Variants in LMLN observed in about 807,000 individuals in gnomAD.
LMLN encodes the protein leishmanolysin-like peptidase.
In LMLN, 70 loss-of-function variants were observed where a neutral mutation model predicts 92.3. The ratio of observed to expected loss-of-function variants is 0.76; its 90% CI spans 0.63 to 0.92. The LOEUF is 0.92. Ranked by LOEUF, LMLN falls within the 40% of genes least tolerant of loss-of-function variation. The probability of loss-of-function intolerance (pLI) is 0.00; values close to 1 mark genes in which losing one functional copy is unlikely to be tolerated. For missense variants in LMLN, 691 were observed against 814.6 expected (o/e 0.85, Z 1.85); for synonymous variants, 308 against 296.2 (o/e 1.04, Z -0.41).
intron 10 of LMLN, among the ~76,000 whole-genome samples, chr3:197,998,911 A>G (rs1722098545): frequency 6.6e-6 from 1 of 152,160 alleles, no homozygotes; most frequent in African/African-American, 2.4e-5. Flanking sequence ...CTGACCCCAA[A>G]TTATCTGTGC....
chr3:198,020,993 T>C (rs1722766056), intron 12 of LMLN, among the ~76,000 whole-genome samples: 1 of 151,922 alleles, frequency 6.6e-6, no homozygotes, highest in Admixed American at 6.6e-5. Flanking sequence ...ATTCAAAGTA[T>C]ATTATATATA....
chr3:197,974,260 C>A, intron 1 of LMLN, 117 bp from the exon 2 acceptor site: 1 of 630,816 alleles, frequency 1.6e-6, no homozygotes, highest in South Asian at 1.9e-5. Context: ...GAATATGGGT[C>A]ACAGAACTTT....
At chr3:198,026,556 C>T (rs767221511) in intron 14 of LMLN, among the ~76,000 whole-genome samples, 2 of 152,190 alleles carry the variant, frequency 1.3e-5, no homozygotes, top group Non-Finnish European at 2.9e-5. Flanking sequence ...CCTCCTGCCT[C>T]AGCCTCCCAA....
chr3:197,989,826 A>G (rs916584474), intron 8 of LMLN, among the ~76,000 whole-genome samples: 28 of 152,242 alleles, frequency 1.8e-4, no homozygotes, highest in African/African-American at 6.5e-4. Flanking sequence ...ATTCGAGGCC[A>G]GTTTTGGCAA....
chr3:197,963,213 T>TG lies in LMLN; in HGVS notation c.219+2774dup, dbSNP rs756206602. ...TTCTTTTCTCTCTCTTTTTTTTTTT[T>TG]GTTTTGTTTTGAGACAGTCTTGCTC... is the stretch of plus-strand genomic sequence containing the variant. On this transcript the variant is annotated intron_variant, in intron 1 of 15. Coordinates refer to ENST00000330198, the Ensembl canonical transcript of LMLN. Among the ~76,000 whole-genome samples the TG allele has an allele frequency of 3.1e-4, 47 of 151,538 alleles. 1 individual carries two copies. In the South Asian group the frequency reaches 9.6e-3, roughly 31 times the overall value.
intron 4 of LMLN, chr3:197,976,356 A>C: frequency 2.1e-6 from 1 of 475,484 alleles, no homozygotes; most frequent in South Asian, 4.1e-5. Context: ...TGTTCTCCAG[A>C]TCACCTTTTT....
At chr3:197,982,586 T>G (rs372508552) in intron 6 of LMLN, among the ~76,000 whole-genome samples, 1 of 152,192 alleles carries the variant, frequency 6.6e-6, no homozygotes, top group African/African-American at 2.4e-5. Context: ...TTGCATTAAT[T>G]CATTTCATGA....
chr3:197,989,730 C>T (rs115050315), intron 8 of LMLN, among the ~76,000 whole-genome samples: 1,983 of 151,254 alleles, frequency 0.013, 44 homozygotes, highest in African/African-American at 0.045. Flanking sequence ...AAATTTAAAA[C>T]ACTTATCAGG....
chr3:197,980,685 T>G, intron 6 of LMLN, 181 bp downstream of exon 6: 2 of 489,018 alleles, frequency 4.1e-6, no homozygotes, highest in Non-Finnish European at 7.1e-6. Context: ...CTGTTATTAA[T>G]GTGATAACCC....
exon 13 of LMLN, chr3:198,021,471 C>G (rs756941965): frequency 7.4e-6 from 12 of 1,613,964 alleles, no homozygotes; most frequent in Admixed American, 1.7e-5. Flanking sequence ...AGTGGAATAC[C>G]TGCAGAAGAT....
At chr3:197,980,425 G>A (rs778720793) in exon 6 of LMLN, 1 of 1,613,192 alleles carries the variant, frequency 6.2e-7, no homozygotes, top group South Asian at 1.1e-5. Context: ...TTACGTTGGT[G>A]CTCTGGCCAC....
chr3:198,014,765 C>G (rs1158457050), intron 11 of LMLN, among the ~76,000 whole-genome samples: 4 of 139,104 alleles, frequency 2.9e-5, no homozygotes, highest in African/African-American at 1.1e-4. Flanking sequence ...CTCCACCCTT[C>G]AGAGCCCCCT....
At chr3:197,971,201 G>T (rs1370268841) in intron 1 of LMLN, among the ~76,000 whole-genome samples, 1 of 152,196 alleles carries the variant, frequency 6.6e-6, no homozygotes, top group Non-Finnish European at 1.5e-5. Context: ...CCTGAGACTG[G>T]GTAATTTATA....
chr3:197,969,876 G>A (rs1721175183), intron 1 of LMLN, among the ~76,000 whole-genome samples: 1 of 152,156 alleles, frequency 6.6e-6, no homozygotes, highest in African/African-American at 2.4e-5. Flanking sequence ...CAGCACAGTG[G>A]CTCATGCTTG....
chr3:197,964,674 G>A (rs557990699), intron 1 of LMLN, among the ~76,000 whole-genome samples: 12 of 151,130 alleles, frequency 7.9e-5, no homozygotes, highest in African/African-American at 2.2e-4. Flanking sequence ...TGGGATTACA[G>A]GCGTGAGCCA....
intron 11 of LMLN, among the ~76,000 whole-genome samples, chr3:198,016,653 C>T (rs1392259760): frequency 6.6e-6 from 1 of 152,146 alleles, no homozygotes; most frequent in African/African-American, 2.4e-5. Flanking sequence ...TTTGTTTGTT[C>T]ACTTTTCTGT....
At chr3:197,996,860 G>A (rs1722033593) in intron 10 of LMLN, among the ~76,000 whole-genome samples, 1 of 152,128 alleles carries the variant, frequency 6.6e-6, no homozygotes, top group Non-Finnish European at 1.5e-5. Context: ...GCACACTACA[G>A]CCTCGAATTC....
intron 15 of LMLN, 51 bp downstream of exon 16, chr3:198,036,094 C>T (rs1581189369): frequency 6.7e-7 from 1 of 1,493,232 alleles, no homozygotes; most frequent in Non-Finnish European, 9.3e-7. Flanking sequence ...AGGAGGTGAA[C>T]TTCTCTTATA....
chr3:197,965,179 A>C (rs190608851), intron 1 of LMLN, among the ~76,000 whole-genome samples: 257 of 152,094 alleles, frequency 1.7e-3, no homozygotes, highest in Admixed American at 4.1e-3. Flanking sequence ...CACACCTGGC[A>C]CATTTTTTAT....
Sources: allele counts gnomAD v4.1 joint callset (sites outside exome capture counted in the v4.1 genomes callset), GRCh38; gene constraint gnomAD v4.1.1; transcripts MANE v1.5; gene names NCBI Gene and HGNC (gene_info 2026-07-23, HGNC 2026-07-21).